TENM2: variants seen among roughly 807,000 people sequenced by gnomAD.
TENM2 encodes teneurin transmembrane protein 2.
In TENM2, 52 loss-of-function variants were observed where a neutral mutation model predicts 245.2. The ratio of observed to expected loss-of-function variants is 0.21; its 90% CI spans 0.17 to 0.27. TENM2 has a LOEUF of 0.27. Ranked by LOEUF, TENM2 falls within the 10% of genes least tolerant of loss-of-function variation. The pLI is 1.00. For synonymous variants in TENM2, 1,363 were observed against 1,438.9 expected, an observed-to-expected ratio of 0.95 and a Z score of 1.19; for missense variants, 3,046 against 3,666.8, an observed-to-expected ratio of 0.83 and a Z score of 4.37.
intron 4 of TENM2, among the ~76,000 whole-genome samples, chr5:167,973,959 A>G (rs1335669702): frequency 6.9e-6 from 1 of 145,956 alleles, no homozygotes; most frequent in Admixed American, 6.8e-5. Context: ...CTAAAAGTAC[A>G]TTGAAGTTAA....
chr5:167,901,328 G>A (rs1775689955), intron 3 of TENM2, among the ~76,000 whole-genome samples: 1 of 152,152 alleles, frequency 6.6e-6, no homozygotes, highest in Non-Finnish European at 1.5e-5. Context: ...TTTATGATTT[G>A]TGGTATAGAA....
At chr5:167,892,068 GC>G (rs1283408924) in intron 3 of TENM2, among the ~76,000 whole-genome samples, 5 of 152,176 alleles carry the variant, frequency 3.3e-5, no homozygotes, top group Non-Finnish European at 5.9e-5. Flanking sequence ...CTTGAAAGGA[GC>G]TTGTGATATA....
At chr5:168,080,174 G>T (rs192670320) in intron 7 of TENM2, among the ~76,000 whole-genome samples, 1 of 152,054 alleles carries the variant, frequency 6.6e-6, no homozygotes. Flanking sequence ...TGTGTGTGTC[G>T]AGGAATTTAT....
the TENM2 span, among the ~76,000 whole-genome samples, chr5:167,237,339 G>A: frequency 3.3e-5 from 5 of 152,176 alleles, no homozygotes; most frequent in South Asian, 1.0e-3. Flanking sequence ...CAATTTTAGG[G>A]CATGTTATAT....
intron 2 of TENM2, among the ~76,000 whole-genome samples, chr5:167,414,859 G>C (rs915268695): frequency 3.3e-5 from 5 of 152,068 alleles, no homozygotes; most frequent in African/African-American, 1.2e-4. Flanking sequence ...TATCCTTTCT[G>C]TTGGTGGAAA....
chr5:167,218,846 A>G, the TENM2 span, among the ~76,000 whole-genome samples: 48 of 152,202 alleles, frequency 3.2e-4, no homozygotes, highest in African/African-American at 8.4e-4. Flanking sequence ...AACTTCTTCA[A>G]TACTCATTGT....
chr5:167,659,434 A>G (rs1755060675), intron 2 of TENM2, among the ~76,000 whole-genome samples: 1 of 152,220 alleles, frequency 6.6e-6, no homozygotes, highest in South Asian at 2.1e-4. Context: ...AAAATCATAA[A>G]TCAATAAGGA....
chr5:167,655,515 A>G (rs965396497), intron 2 of TENM2, among the ~76,000 whole-genome samples: 2 of 152,204 alleles, frequency 1.3e-5, no homozygotes, highest in East Asian at 1.9e-4. Flanking sequence ...AAAGGCTTCA[A>G]CTGTGCTACT....
intron 3 of TENM2, among the ~76,000 whole-genome samples, chr5:167,892,692 T>A (rs1561903879): frequency 6.6e-6 from 1 of 152,110 alleles, no homozygotes; most frequent in South Asian, 2.1e-4. Flanking sequence ...ATGCCCTCAT[T>A]TTGCCTCGAT....
At chr5:167,789,416 G>C (rs1256645371) in intron 2 of TENM2, among the ~76,000 whole-genome samples, 1 of 152,124 alleles carries the variant, frequency 6.6e-6, no homozygotes, top group African/African-American at 2.4e-5. Flanking sequence ...TTCATTCCTC[G>C]ACTTGAATGG....
chr5:167,622,379 T>C (rs1272038530), intron 2 of TENM2, among the ~76,000 whole-genome samples: 11 of 152,110 alleles, frequency 7.2e-5, no homozygotes, highest in Admixed American at 7.2e-4. Context: ...ACCAACTTTT[T>C]TAAAAGAAGA....
intron 2 of TENM2, among the ~76,000 whole-genome samples, chr5:167,584,137 G>A (rs574567551): frequency 6.6e-6 from 1 of 152,238 alleles, no homozygotes; most frequent in East Asian, 1.9e-4. Flanking sequence ...TCATGTTCTT[G>A]GCGTTTTAAA....
intron 2 of TENM2, among the ~76,000 whole-genome samples, chr5:167,468,126 G>T (rs181320645): frequency 2.0e-5 from 3 of 152,140 alleles, no homozygotes; most frequent in East Asian, 1.9e-4. Context: ...TAGTAGAGAC[G>T]GGGTTTCACC....
chr5:167,522,986 G>A (rs1317473801), intron 2 of TENM2, among the ~76,000 whole-genome samples: 2 of 151,228 alleles, frequency 1.3e-5, no homozygotes, highest in Admixed American at 6.6e-5. Flanking sequence ...GGGAGAAGAG[G>A]CAATGGCCTC....
At chr5:167,861,052 T>A (rs866103382) in intron 2 of TENM2, among the ~76,000 whole-genome samples, 72 of 133,478 alleles carry the variant, frequency 5.4e-4, no homozygotes, top group African/African-American at 1.3e-3. Flanking sequence ...AAAAAAAAAT[T>A]AAAAAAAAAA....
At chr5:167,152,719 T>A in the TENM2 span, among the ~76,000 whole-genome samples, 2 of 152,210 alleles carry the variant, frequency 1.3e-5, no homozygotes, top group South Asian at 4.1e-4. Context: ...AGCTCCTAAG[T>A]GACTAATGTG....
At chr5:167,651,632 G>A (rs1395139320) in intron 2 of TENM2, among the ~76,000 whole-genome samples, 1 of 152,090 alleles carries the variant, frequency 6.6e-6, no homozygotes, top group Non-Finnish European at 1.5e-5. Flanking sequence ...ATCTTGTTAA[G>A]TATCAGCATA....
At chr5:167,001,973 A>G in the TENM2 span, among the ~76,000 whole-genome samples, 1 of 152,198 alleles carries the variant, frequency 6.6e-6, no homozygotes, top group East Asian at 1.9e-4. Context: ...TTCATATCAT[A>G]TAAAATTCTT....
At chr5:167,401,067 G>T (rs1246792299) in intron 2 of TENM2, among the ~76,000 whole-genome samples, 1 of 151,910 alleles carries the variant, frequency 6.6e-6, no homozygotes, top group Non-Finnish European at 1.5e-5. Context: ...CTCCAGCTCG[G>T]GGTGACAGAG....
Sources: allele counts gnomAD v4.1 joint callset (sites outside exome capture counted in the v4.1 genomes callset), GRCh38; gene constraint gnomAD v4.1.1; transcripts MANE v1.5; gene names NCBI Gene and HGNC (gene_info 2026-07-23, HGNC 2026-07-21).